The following AKR7A2 variants were observed in gnomAD, a reference collection of about 807,000 sequenced individuals.
AKR7A2 encodes the protein aldo-keto reductase family 7 member A2, also known as aflatoxin B1 aldehyde reductase member 2.
AKR7A2 carries 29 observed loss-of-function variants against 37.3 expected under a neutral mutation model. That is an observed-to-expected ratio of 0.78 (90% CI 0.58 to 1.06). The LOEUF (loss-of-function observed/expected upper bound fraction) is 1.06. AKR7A2 is among the 50% of genes least tolerant of loss of function. The pLI, the probability that AKR7A2 is intolerant of heterozygous loss-of-function variation, is 0.00. For missense variants in AKR7A2, 529 were observed against 497.9 expected, an observed-to-expected ratio of 1.06 and a Z score of -0.59; for synonymous variants, 228 against 217.8, an observed-to-expected ratio of 1.05 and a Z score of -0.41.
At chr1:19,308,034 C>G (rs2151989144) in intron 3 of AKR7A2, 124 bp downstream of exon 3, 1 of 1,279,966 alleles carries the variant, frequency 7.8e-7, no homozygotes, top group Non-Finnish European at 1.1e-6. Context: ...TGGGAGCCAT[C>G]TGCAGGCTTT....
chr1:19,312,113 G>T lies in AKR7A2; in HGVS notation c.12C>A (p.Ala4=), dbSNP rs1001844822. 9 of 1,323,092 alleles carry T rather than the reference G, an allele frequency of 6.8e-6. No individual in the cohort carries two copies. The highest frequency in any genetic ancestry group is 3.1e-5 in the African/African-American group (2 of 64,558). 82.0% of individuals were successfully genotyped at this position (1,323,092 alleles called of 1,614,324 possible). A position where few individuals can be genotyped will look rare whatever the true frequency, so the allele number is the denominator to read the frequency against. Residue 4 remains alanine, a synonymous_variant, in exon 1 of 7, where the codon GCC becomes GCA. Coordinates refer to ENST00000235835, the MANE Select transcript of AKR7A2 (RefSeq NM_003689.4). ...CGGCGCGGGAGACTACGCGAGACGCGGCACTCAGCATAGCAGCGGCGCCTG... is the reference window on the plus strand; with the variant it reads ...CGGCGCGGGAGACTACGCGAGACGCTGCACTCAGCATAGCAGCGGCGCCTG... MLS[A]ASRVVSRAAV...
intron 1 of AKR7A2, among the ~76,000 whole-genome samples, chr1:19,310,228 A>G (rs964787988): frequency 2.0e-5 from 3 of 152,168 alleles, no homozygotes; most frequent in Non-Finnish European, 2.9e-5. Flanking sequence ...CAAGTTCCAC[A>G]GTTTCTCATC....
At chr1:19,305,901 AT>A in intron 6 of AKR7A2, 116 bp downstream of exon 6, 4 of 1,555,832 alleles carry the variant, frequency 2.6e-6, no homozygotes, top group Non-Finnish European at 3.5e-6. Flanking sequence ...GCTTATGAGA[AT>A]TGGAAGAAAG....
At chr1:19,307,785 TGAA>T (rs1451599405) in intron 3 of AKR7A2, 24 of 489,002 alleles carry the variant, frequency 4.9e-5, no homozygotes, top group Middle Eastern at 1.1e-3. Flanking sequence ...GCTGAATGTA[TGAA>T]GATGAGATTT....
At position 19,306,141 on chromosome 1, in the gene AKR7A2, C is replaced by T. The variant is rs758280774; in HGVS notation, c.795G>A (p.Trp265Ter). The change falls in exon 6 of 7, where the codon TGG becomes TGA. Residue 265 changes from tryptophan to a stop codon, truncating the protein, a stop_gained. Transcript: ENST00000235835. LOFTEE classifies it high-confidence loss of function. Reference protein sequence around the residue: ...SWAETYRNRFWKEHHFEAIAL... With the variant: ...SWAETYRNRF ...CAATGGCCTCGAAGTGGTGCTCCTT[C>T]CAGAAGCTGTGCAGAGGGGATGTTA... The T allele has an allele frequency of 1.2e-6, 2 of 1,614,204 alleles. No homozygotes were observed. Among genetic ancestry groups the T allele is most frequent in the Non-Finnish European group, 1.7e-6 (2 of 1,180,018 alleles).
Position 19,304,160 on chromosome 1 carries a change from C to T in AKR7A2, c.*65G>A, listed in dbSNP as rs908317330. 3 of 1,613,102 alleles carry T rather than the reference C, an allele frequency of 1.9e-6. No individual in the cohort carries two copies. The Admixed American group carries it at 5.0e-5, about 27-fold the overall frequency. ...CTTCTAAGTCAGCTTAAGGCCAAGA[C>T]TGGTCAGTGTGAGAGAACAAAAGAG... On this transcript the variant is annotated 3_prime_UTR_variant, in exon 7 of 7. Transcript: ENST00000235835.
rs937859900 is a variant in AKR7A2, at chr1:19,307,473, A to G, written c.592-63T>C. Reference sequence around the variant, plus strand: ...TCAAGAGAAGGAACTGTTGCCTTCCACTTTCAAACCTCTAAAGCAACACCG... The same window carrying G: ...TCAAGAGAAGGAACTGTTGCCTTCCGCTTTCAAACCTCTAAAGCAACACCG... On this transcript the variant is annotated intron_variant, in intron 3 of 6. Coordinates refer to ENST00000235835, the MANE Select transcript of AKR7A2 (RefSeq NM_003689.4). 73 of 1,562,198 alleles carry G rather than the reference A, an allele frequency of 4.7e-5. No individual in the cohort carries two copies. In the Middle Eastern group the frequency reaches 1.8e-3, roughly 39 times the overall value.
intron 1 of AKR7A2, 34 bp downstream of exon 1, chr1:19,311,793 A>T (rs1475276274): frequency 1.2e-6 from 2 of 1,609,384 alleles, no homozygotes; most frequent in East Asian, 2.2e-5. Context: ...TCAGCTCTAC[A>T]CGATGCATGG....
chr1:19,309,167 C>T (rs2093767792), intron 1 of AKR7A2, among the ~76,000 whole-genome samples: 2 of 152,220 alleles, frequency 1.3e-5, no homozygotes, highest in African/African-American at 4.8e-5. Flanking sequence ...ATGTGAGGCT[C>T]CAAACCTTCA....
At chr1:19,305,936 A>G in intron 6 of AKR7A2, 82 bp downstream of exon 6, 1 of 1,608,364 alleles carries the variant, frequency 6.2e-7, no homozygotes. Context: ...GAATTCAGAA[A>G]TCAAATGCTT....
chr1:19,310,200 T>C lies in AKR7A2; in HGVS notation c.299-1558A>G, dbSNP rs139200019. Among the ~76,000 whole-genome samples the C allele has an allele frequency of 7.9e-5, 12 of 152,234 alleles. No homozygotes were observed. In the South Asian group the frequency reaches 1.0e-3, roughly 13 times the overall value. On this transcript the variant is annotated intron_variant, in intron 1 of 6. Coordinates refer to ENST00000235835, the MANE Select transcript of AKR7A2 (RefSeq NM_003689.4). ...GCTCAGAAGGGTGTCACGAGATCAG[T>C]TGGGATATGGGACAGAACAAGTTCC...
Position 19,306,991 on chromosome 1 carries a change from C to T in AKR7A2, c.788+11G>A. ...CCCCAGCCATCCTCACCAAGCCCAC[C>T]CCCGGCTCACCGATTCCTGTAGGTC... On this transcript the variant is annotated intron_variant, in intron 5 of 6. Coordinates refer to ENST00000235835, the MANE Select transcript of AKR7A2 (RefSeq NM_003689.4). 1.2e-6 allele frequency: 2 copies of T among 1,613,826 alleles called. No homozygotes were observed.
chr1:19,306,669 T>A (rs1355823657), intron 5 of AKR7A2, among the ~76,000 whole-genome samples: 1 of 151,890 alleles, frequency 6.6e-6, no homozygotes, highest in African/African-American at 2.4e-5. Context: ...TGAGCTCAAG[T>A]AACCCTCCCA....
chr1:19,308,641 C>A lies in AKR7A2; in HGVS notation c.300G>T (p.Val100=). The change falls in exon 2 of 7, where the codon GTG becomes GTT. Residue 100 remains valine (V), a splice_region_variant and synonymous_variant. Coordinates refer to ENST00000235835, the MANE Select transcript of AKR7A2 (RefSeq NM_003689.4). ...AAGGGTTGGCCTTGGTGGCAATTTT[C>A]ACTTGGAGAGAGAATGGAATGGTTA... ...GLGLGGGDCR[V]KIATKANPWD... 1 of 1,614,076 alleles carries A rather than the reference C, an allele frequency of 6.2e-7. No individual in the cohort carries two copies. The highest frequency in any genetic ancestry group is 8.5e-7 in the Non-Finnish European group (1 of 1,180,000).
In AKR7A2 at chr1:19,308,290, G is replaced by A. The variant is rs755562654; in HGVS notation, c.487-28C>T. On this transcript the variant is annotated intron_variant, in intron 2 of 6. Transcript: ENST00000235835. The stretch of plus-strand genomic sequence containing the variant: ...GCATGGGTGAGGCTCCAGTCAGAAC[G>A]CAGTGTAGCCCAGACCAGGAAGGGG... 1.8e-5 allele frequency: 29 copies of A among 1,613,848 alleles called. No individual in the cohort carries two copies. In the Admixed American group the frequency reaches 2.2e-4, roughly 12 times the overall value.
downstream of AKR7A2, chr1:19,303,941 A>C (rs1021686972): frequency 1.2e-4 from 57 of 472,182 alleles, no homozygotes; most frequent in South Asian, 1.1e-3. Context: ...TGGGAAACAA[A>C]GTGTTAACAG....
rs544705875 is a variant in AKR7A2, at chr1:19,307,399, G to C, written c.603C>G (p.Asn201Lys). The C allele has an allele frequency of 1.9e-6, 3 of 1,614,040 alleles. No homozygotes were observed. In the African/African-American group the frequency reaches 4.0e-5, roughly 22 times the overall value. ...ILPTVYQGMY[N>K]ATTRQVETEL... ...CCGTTTCCACCTGCCGGGTGGTGGC[G>C]TTGTACATGCCCTGCAGGGAGAGGG... is the stretch of plus-strand genomic sequence containing the variant. The change falls in exon 4 of 7, where the codon AAC becomes AAG. Residue 201 changes from asparagine to lysine, a missense_variant. Transcript: ENST00000235835.
intron 5 of AKR7A2, 128 bp from the exon 6 acceptor site, chr1:19,306,275 C>G: frequency 1.5e-6 from 2 of 1,343,970 alleles, no homozygotes; most frequent in Non-Finnish European, 2.1e-6. Context: ...GGTGTCCTCT[C>G]TAGTCATAGG....
chr1:19,304,164 TCA>T lies in AKR7A2; in HGVS notation c.*59_*60del. The T allele has an allele frequency of 6.2e-7, 1 of 1,613,400 alleles. No individual in the cohort carries two copies. Among genetic ancestry groups the T allele is most frequent in the Non-Finnish European group, 8.5e-7 (1 of 1,179,382 alleles). Reference sequence around the variant, plus strand: ...TAAGTCAGCTTAAGGCCAAGACTGGTCAGTGTGAGAGAACAAAAGAGGTGACA... The same window carrying T: ...TAAGTCAGCTTAAGGCCAAGACTGGTGTGTGAGAGAACAAAAGAGGTGACA... On this transcript the variant is annotated 3_prime_UTR_variant, in exon 7 of 7. Coordinates refer to ENST00000235835, the MANE Select transcript of AKR7A2 (RefSeq NM_003689.4).
Sources: allele counts gnomAD v4.1 joint callset (sites outside exome capture counted in the v4.1 genomes callset), GRCh38; gene constraint gnomAD v4.1.1; transcripts MANE v1.5; gene names NCBI Gene and HGNC (gene_info 2026-07-23, HGNC 2026-07-21).